The following GPBP1L1 variants were observed in gnomAD, a reference collection of about 807,000 sequenced individuals.
The protein encoded by GPBP1L1 is vasculin-like protein 1.
GPBP1L1 carries 23 observed loss-of-function variants against 52.5 expected under a neutral mutation model. That is an observed-to-expected ratio of 0.44 (90% CI 0.32 to 0.62). GPBP1L1 has a LOEUF of 0.62. GPBP1L1 is among the 20% of genes least tolerant of loss of function. GPBP1L1 has a pLI of 0.06. For synonymous variants in GPBP1L1, 243 were observed against 203.1 expected (o/e 1.20, Z -1.67); for missense variants, 596 against 579.3 (o/e 1.03, Z -0.30).
At chr1:45,656,319 A>G (rs1436347955) in intron 4 of GPBP1L1, among the ~76,000 whole-genome samples, 1 of 152,238 alleles carries the variant, frequency 6.6e-6, no homozygotes, top group Non-Finnish European at 1.5e-5. Context: ...GATAGAGACC[A>G]AAGTCCACAA....
chr1:45,646,560 A>T (rs1178968459), intron 6 of GPBP1L1, among the ~76,000 whole-genome samples: 6 of 144,884 alleles, frequency 4.1e-5, no homozygotes, highest in Admixed American at 3.4e-4. Flanking sequence ...ACTTTTCAGT[A>T]TTTTTTTTTT....
At chr1:45,674,896 A>G (rs1284019101) in intron 2 of GPBP1L1, among the ~76,000 whole-genome samples, 1 of 152,198 alleles carries the variant, frequency 6.6e-6, no homozygotes, top group Non-Finnish European at 1.5e-5. Flanking sequence ...TAAGTCAAGG[A>G]GTAGCTGTAC....
At chr1:45,667,733 G>A (rs931223825) in intron 2 of GPBP1L1, among the ~76,000 whole-genome samples, 3 of 152,044 alleles carry the variant, frequency 2.0e-5, no homozygotes, top group African/African-American at 7.3e-5. Context: ...CTTGCTCCAG[G>A]TATATCCTTT....
chr1:45,656,513 T>A (rs2148474492), intron 4 of GPBP1L1, among the ~76,000 whole-genome samples: 1 of 152,318 alleles, frequency 6.6e-6, no homozygotes, highest in East Asian at 1.9e-4. Context: ...CCATTTCAGG[T>A]TAATCTTTTT....
chr1:45,680,350 T>C (rs1426848663), intron 2 of GPBP1L1, among the ~76,000 whole-genome samples: 1 of 151,344 alleles, frequency 6.6e-6, no homozygotes, highest in Admixed American at 6.6e-5. Context: ...GTGATTCTAG[T>C]GCCTCAGCCT....
intron 6 of GPBP1L1, among the ~76,000 whole-genome samples, chr1:45,644,326 C>G (rs530183206): frequency 6.6e-6 from 1 of 152,108 alleles, no homozygotes; most frequent in African/African-American, 2.4e-5. Context: ...AGACAATGCT[C>G]CTATTTATAC....
chr1:45,653,037 G>A (rs1450713502), intron 6 of GPBP1L1, among the ~76,000 whole-genome samples: 3 of 152,188 alleles, frequency 2.0e-5, no homozygotes, highest in Admixed American at 1.3e-4. Context: ...TGTAAGGGCA[G>A]TATAGACCTT....
chr1:45,643,658 CTTTTTTTTT>C (rs113388167), intron 6 of GPBP1L1, among the ~76,000 whole-genome samples: 13 of 65,142 alleles, frequency 2.0e-4, no homozygotes, highest in East Asian at 5.1e-4. Flanking sequence ...AGGAGAATGG[CTTTTTTTTT>C]TTTTTTTTTT....
At chr1:45,652,326 A>T (rs1644828486) in intron 6 of GPBP1L1, among the ~76,000 whole-genome samples, 1 of 152,186 alleles carries the variant, frequency 6.6e-6, no homozygotes, top group Non-Finnish European at 1.5e-5. Context: ...ATATGAAGGT[A>T]AAAAAATGCA....
chr1:45,670,787 CTTTTTTTTTTT>C (rs1157864588), intron 2 of GPBP1L1, among the ~76,000 whole-genome samples: 1 of 111,200 alleles, frequency 9.0e-6, no homozygotes, highest in Non-Finnish European at 1.8e-5. Context: ...TACCATATGT[CTTTTTTTTTTT>C]TTTTTTTTTT....
chr1:45,645,550 T>TC (rs1313138118), intron 6 of GPBP1L1, among the ~76,000 whole-genome samples: 1 of 152,174 alleles, frequency 6.6e-6, no homozygotes, highest in Non-Finnish European at 1.5e-5. Flanking sequence ...CTCCCCATCT[T>TC]CCCACTTTAA....
At chr1:45,674,851 A>G (rs1245041523) in intron 2 of GPBP1L1, among the ~76,000 whole-genome samples, 1 of 152,194 alleles carries the variant, frequency 6.6e-6, no homozygotes, top group Non-Finnish European at 1.5e-5. Flanking sequence ...TCAACTTAAC[A>G]TTATTTTCAA....
intron 4 of GPBP1L1, 23 bp from the exon 5 acceptor site, chr1:45,655,342 G>C: frequency 6.2e-7 from 1 of 1,612,848 alleles, no homozygotes; most frequent in Non-Finnish European, 8.5e-7. Context: ...AGTATGGAGA[G>C]GCAAATGGAT....
At chr1:45,678,857 G>A (rs973412214) in intron 2 of GPBP1L1, among the ~76,000 whole-genome samples, 2 of 152,074 alleles carry the variant, frequency 1.3e-5, no homozygotes, top group Non-Finnish European at 2.9e-5. Flanking sequence ...TGGAAAGTGG[G>A]TATCACCAAC....
rs1169914730 is a variant in GPBP1L1, at chr1:45,654,709, T to A, written c.311A>T (p.Asp104Val). Residue 104 changes from aspartate to valine, a missense_variant, in exon 6 of 13, where the codon GAT (aspartate) becomes GTT (valine). Physicochemically the swap from Asp to Val is radical, Grantham distance 152 (BLOSUM62 -3). Coordinates refer to ENST00000355105, the MANE Select transcript of GPBP1L1 (RefSeq NM_021639.5). ...SGWHSSSRGH[D>V]GMSQRSGGGT... is the part of the protein sequence containing the mutation. ...ACCTCCACTACGTTGGCTCATGCCA[T>A]CATGACCTCGGGAAGAGCTATGCCA... The A allele has an allele frequency of 6.2e-7, 1 of 1,614,064 alleles. No individual in the cohort carries two copies. Among genetic ancestry groups the A allele is most frequent in the Non-Finnish European group, 8.5e-7 (1 of 1,180,034 alleles).
chr1:45,684,258 C>T (rs78244979), intron 2 of GPBP1L1, among the ~76,000 whole-genome samples: 1 of 88,478 alleles, frequency 1.1e-5, no homozygotes, highest in Non-Finnish European at 2.1e-5. Context: ...AACTCCGTCT[C>T]AAAAAAAAAA....
At chr1:45,682,542 C>G (rs1645223736) in intron 2 of GPBP1L1, among the ~76,000 whole-genome samples, 1 of 152,056 alleles carries the variant, frequency 6.6e-6, no homozygotes, top group Non-Finnish European at 1.5e-5. Flanking sequence ...TTATGTTATC[C>G]TCCAACTATT....
rs778113669 is a variant in GPBP1L1 at position 45,647,166 on chromosome 1, A to ATTTTT, written c.478-4672_478-4668dup. ...TTTTTTTTTAAACCAACTTCTTAGG[A>ATTTTT]TTTTTTTTTTTTTTTTTCTGAGACC... On this transcript the variant is annotated intron_variant, in intron 6 of 12. Coordinates refer to ENST00000355105, the MANE Select transcript of GPBP1L1 (RefSeq NM_021639.5). Among the ~76,000 whole-genome samples the ATTTTT allele has an allele frequency of 2.8e-3, 317 of 112,622 alleles. 16 individuals carry two copies. Among genetic ancestry groups the ATTTTT allele is most frequent in the East Asian group, 6.1e-3 (24 of 3,960 alleles). The allele number at this position is 112,622 out of a possible 152,430, so 73.9% of individuals were successfully genotyped here.
chr1:45,633,381 C>G (rs1644554591), intron 10 of GPBP1L1, 108 bp downstream of exon 10: 2 of 1,158,030 alleles, frequency 1.7e-6, no homozygotes, highest in Non-Finnish European at 2.5e-6. Context: ...GACAGTATCT[C>G]TGTACATTTA....
Sources: gnomAD v4.1 joint callset for allele counts (sites outside exome capture counted in the v4.1 genomes callset) on GRCh38, gnomAD v4.1.1 for gene constraint, MANE v1.5 for transcripts, NCBI Gene and HGNC (gene_info 2026-07-23, HGNC 2026-07-21) for gene names.